FNTB: variants seen among roughly 807,000 people sequenced by gnomAD.
The protein encoded by FNTB is farnesyltransferase, CAAX box, subunit beta.
Under a neutral mutation model 59.4 loss-of-function variants are expected in FNTB, and 27 were observed. The ratio of observed to expected loss-of-function variants is 0.45; its 90% CI spans 0.34 to 0.63. The LOEUF is 0.63. Among genes scored for constraint, FNTB ranks in the 20% least tolerant of loss-of-function variants. The probability of loss-of-function intolerance (pLI) is 0.02; values close to 1 mark genes in which losing one functional copy is unlikely to be tolerated. For synonymous variants in FNTB, 230 were observed against 220.7 expected (o/e 1.04, Z -0.37); for missense variants, 449 against 559.6 (o/e 0.80, Z 1.99).
intron 4 of FNTB, among the ~76,000 whole-genome samples, chr14:65,018,418 T>C (rs971665616): frequency 1.3e-5 from 2 of 152,184 alleles, no homozygotes; most frequent in South Asian, 4.1e-4. Context: ...AAAGATTTAA[T>C]TTACATACAT....
At position 65,027,506 on chromosome 14, in the gene FNTB, G is replaced by T; in HGVS notation, c.428G>T (p.Gly143Val). The stretch of plus-strand genomic sequence containing the variant: ...AGCCCAGAAGGTGGCTTTGGAGGAG[G>T]ACCCGGTCAGTATCCACACCTTGCA... Reference protein sequence around the residue: ...CQSPEGGFGGGPGQYPHLAPT... With the variant: ...CQSPEGGFGGVPGQYPHLAPT... Residue 143 changes from glycine (G) to valine (V), a missense_variant, in exon 5 of 12, where the codon GGA becomes GTA. By Grantham distance (109) the Gly-to-Val change is moderately radical. This residue lies in a region of FNTB where 337 missense variants were observed against 479.1 expected (regional missense o/e 0.70). Transcript: ENST00000246166. This position sits in a 1 kb window ranked among gnomAD's most constrained non-coding sequence, Gnocchi z 5.7. 6.2e-7 allele frequency: 1 copy of T among 1,614,178 alleles called. No homozygotes were observed. Among genetic ancestry groups the T allele is most frequent in the Non-Finnish European group, 8.5e-7 (1 of 1,180,036 alleles).
At chr14:65,036,440 T>G (rs2062195399) in intron 7 of FNTB, among the ~76,000 whole-genome samples, 1 of 152,036 alleles carries the variant, frequency 6.6e-6, no homozygotes, top group Admixed American at 6.6e-5. Flanking sequence ...TTTTCCCATG[T>G]TGCCCAGGCT....
intron 2 of FNTB, among the ~76,000 whole-genome samples, chr14:65,005,673 T>C (rs1385883370): frequency 6.6e-6 from 1 of 151,912 alleles, no homozygotes; most frequent in African/African-American, 2.4e-5. Flanking sequence ...CCTGTCTTGC[T>C]CTGTTGCCCA....
intron 4 of FNTB, among the ~76,000 whole-genome samples, chr14:65,025,655 A>G (rs181777906): frequency 6.6e-6 from 1 of 152,230 alleles, no homozygotes; most frequent in Non-Finnish European, 1.5e-5. Flanking sequence ...TCTTTATAAA[A>G]AATACAAAAA....
At chr14:64,995,372 TATTATC>T (rs958635723) in intron 1 of FNTB, among the ~76,000 whole-genome samples, 6 of 152,196 alleles carry the variant, frequency 3.9e-5, no homozygotes, top group Non-Finnish European at 5.9e-5. Flanking sequence ...TGTAGTTGTT[TATTATC>T]ATTATCAAGT....
intron 7 of FNTB, among the ~76,000 whole-genome samples, chr14:65,035,991 C>G (rs1419812226): frequency 1.3e-5 from 2 of 152,024 alleles, no homozygotes; most frequent in African/African-American, 2.4e-5. Context: ...ACCACAACAC[C>G]TAGCTAATTT....
At chr14:65,020,920 G>C (rs2061874776) in intron 4 of FNTB, among the ~76,000 whole-genome samples, 1 of 151,606 alleles carries the variant, frequency 6.6e-6, no homozygotes, top group Non-Finnish European at 1.5e-5. Flanking sequence ...TGTAAAGACA[G>C]GCTTTCAACA....
At position 65,044,479 on chromosome 14, in the gene FNTB, A is replaced by G. The variant is rs555462654; in HGVS notation, c.955+36A>G. 1.3e-6 allele frequency: 2 copies of G among 1,577,502 alleles called. No homozygotes were observed. The highest frequency in any genetic ancestry group is 1.4e-5 in the African/African-American group (1 of 72,920). Reference sequence around the variant, plus strand: ...GGAGCTGTTCACTTGGGGCTGGATGATTTCCCTCCACTACTCACAAAGTCT... The same window carrying G: ...GGAGCTGTTCACTTGGGGCTGGATGGTTTCCCTCCACTACTCACAAAGTCT... On this transcript the variant is annotated intron_variant, in intron 9 of 11. Coordinates refer to ENST00000246166, the MANE Select transcript of FNTB (RefSeq NM_002028.4). This position sits in a 1 kb window ranked among gnomAD's most constrained non-coding sequence, Gnocchi z 5.5.
intron 9 of FNTB, among the ~76,000 whole-genome samples, chr14:65,049,219 C>T (rs964929685): frequency 6.6e-6 from 1 of 151,788 alleles, no homozygotes; most frequent in African/African-American, 2.4e-5. Context: ...AAGAAAGCAG[C>T]AGGCCTGTGA....
chr14:65,032,910 TA>T lies in FNTB; in HGVS notation c.692+220del, dbSNP rs71444680. ...ATATTATATTTTAGATTGGCAAAGA[TA>T]AAAAACTTTGGTAAACAATATTAGT... is the stretch of plus-strand genomic sequence containing the variant. On this transcript the variant is annotated intron_variant, in intron 7 of 11. Transcript: ENST00000246166. The surrounding 1 kb of genome is among the most constrained non-coding windows in gnomAD (Gnocchi z 5.0). 6.6e-6 allele frequency among the ~76,000 whole-genome samples: 1 copy of T among 152,074 alleles called. No homozygotes were observed. The highest frequency in any genetic ancestry group is 6.5e-5 in the Admixed American group (1 of 15,272).
chr14:65,020,676 C>T (rs1283096196), intron 4 of FNTB, among the ~76,000 whole-genome samples: 2 of 152,106 alleles, frequency 1.3e-5, no homozygotes, highest in Non-Finnish European at 2.9e-5. Flanking sequence ...TCAGGTGATC[C>T]ACCTGCCTCA....
At chr14:65,061,088 A>C (rs1303830994) in intron 11 of FNTB, 93 bp from the exon 12 acceptor site, 2 of 1,547,490 alleles carry the variant, frequency 1.3e-6, no homozygotes, top group Non-Finnish European at 1.7e-6. Flanking sequence ...CCTTATACTA[A>C]ATTCTTAGAA....
chr14:64,987,111 A>T lies in FNTB; in HGVS notation c.144+14A>T. On this transcript the variant is annotated intron_variant, in intron 1 of 11. Transcript: ENST00000246166. ...TCCATAGAACAGGTGAGGTGGCAGG[A>T]CTGGGCGAGGCGCCCGCGCGATGTG... 6.2e-7 allele frequency: 1 copy of T among 1,613,996 alleles called. No individual in the cohort carries two copies. The highest frequency in any genetic ancestry group is 8.5e-7 in the Non-Finnish European group (1 of 1,180,010).
chr14:65,048,760 T>C (rs1473935909), intron 9 of FNTB, among the ~76,000 whole-genome samples: 1 of 150,590 alleles, frequency 6.6e-6, no homozygotes, highest in African/African-American at 2.5e-5. Context: ...GAGGCTGAGG[T>C]AGAAGGATCA....
chr14:65,016,963 C>T (rs1228035652), intron 4 of FNTB, among the ~76,000 whole-genome samples: 3 of 138,028 alleles, frequency 2.2e-5, no homozygotes, highest in African/African-American at 8.0e-5. Flanking sequence ...CACTCTGTCA[C>T]CCAGGCTGGG....
At position 65,062,629 on chromosome 14, in the gene FNTB, A is replaced by G. The variant is rs2062885881; in HGVS notation, c.*1317A>G. 6.6e-6 allele frequency: 1 copy of G among 152,648 alleles called. No homozygotes were observed. 9.5% of individuals were successfully genotyped at this position (152,648 alleles called of 1,614,324 possible). On this transcript the variant is annotated 3_prime_UTR_variant, in exon 12 of 12. Coordinates refer to ENST00000246166, the MANE Select transcript of FNTB (RefSeq NM_002028.4). The surrounding 1 kb of genome is among the most constrained non-coding windows in gnomAD (Gnocchi z 4.3). ...TTGGGCTATGTATTACCTCCTTGAA[A>G]TAATAAAAGAATAACATTTTCTATG...
intron 4 of FNTB, among the ~76,000 whole-genome samples, chr14:65,026,437 C>T (rs2061982220): frequency 6.6e-6 from 1 of 152,196 alleles, no homozygotes; most frequent in Admixed American, 6.5e-5. Context: ...TCTCCAAGAA[C>T]CCGCAGACTG....
intron 2 of FNTB, among the ~76,000 whole-genome samples, chr14:65,005,957 G>C (rs1186688159): frequency 6.6e-6 from 1 of 152,116 alleles, no homozygotes; most frequent in East Asian, 1.9e-4. Context: ...TGACATCTCT[G>C]AACAAAGTGT....
intron 9 of FNTB, among the ~76,000 whole-genome samples, chr14:65,048,804 A>T (rs572498636): frequency 1.3e-5 from 2 of 152,060 alleles, no homozygotes; most frequent in Non-Finnish European, 2.9e-5. Flanking sequence ...GCAGGCAGAG[A>T]GTGCCACTGC....
Sources: gnomAD v4.1 joint callset for allele counts (sites outside exome capture counted in the v4.1 genomes callset) on GRCh38, gnomAD v4.1.1 for gene constraint, gnomAD v4.1.1 regional missense constraint, Gnocchi (gnomAD v3.1) non-coding constraint, MANE v1.5 for transcripts, NCBI Gene and HGNC (gene_info 2026-07-23, HGNC 2026-07-21) for gene names.